ELP4: variants seen among roughly 807,000 people sequenced by gnomAD.
ELP4 encodes the protein elongator acetyltransferase complex subunit 4, also known as elongator complex protein 4.
ELP4 carries 51 observed loss-of-function variants against 48.9 expected under a neutral mutation model. The ratio of observed to expected loss-of-function variants is 1.04; its 90% confidence interval spans 0.83 to 1.32. ELP4 has a LOEUF of 1.32. Among genes scored for constraint, ELP4 ranks in the 40% most tolerant of loss-of-function variants. The pLI, the probability that ELP4 is intolerant of heterozygous loss-of-function variation, is 0.00. For missense variants in ELP4, 519 were observed against 514.6 expected, an observed-to-expected ratio of 1.01 and a Z score of -0.08; for synonymous variants, 210 against 189.2, an observed-to-expected ratio of 1.11 and a Z score of -0.90.
At chr11:31,549,379 T>A (rs1056001972) in intron 3 of ELP4, among the ~76,000 whole-genome samples, 6 of 152,136 alleles carry the variant, frequency 3.9e-5, no homozygotes, top group Admixed American at 3.9e-4. Context: ...AAAAAACCCA[T>A]GAAAAAATGC....
chr11:31,770,035 C>G (rs1948104790), intron 9 of ELP4, among the ~76,000 whole-genome samples: 1 of 152,152 alleles, frequency 6.6e-6, no homozygotes, highest in South Asian at 2.1e-4. Context: ...AAATAGTAGT[C>G]TATCTAAAGA....
intron 9 of ELP4, among the ~76,000 whole-genome samples, chr11:31,683,259 T>C (rs564855197): frequency 6.6e-6 from 1 of 152,298 alleles, no homozygotes; most frequent in East Asian, 1.9e-4. Flanking sequence ...TGCAACTCTT[T>C]AGGAGCTTTT....
chr11:31,701,787 T>C (rs955327737), intron 9 of ELP4, among the ~76,000 whole-genome samples: 7 of 151,228 alleles, frequency 4.6e-5, no homozygotes, highest in African/African-American at 1.5e-4. Context: ...TTATTTTACC[T>C]AATATAATAA....
chr11:31,595,257 C>A (rs2133990284), intron 4 of ELP4, among the ~76,000 whole-genome samples: 1 of 152,208 alleles, frequency 6.6e-6, no homozygotes, highest in East Asian at 1.9e-4. Flanking sequence ...TATACATTTT[C>A]AATCATTACA....
intron 3 of ELP4, among the ~76,000 whole-genome samples, chr11:31,593,534 C>T (rs1957624504): frequency 6.6e-6 from 1 of 152,178 alleles, no homozygotes; most frequent in Non-Finnish European, 1.5e-5. Context: ...GTGTGAGACA[C>T]TGCACGCAGC....
At chr11:31,628,650 A>T (rs1944797107) in intron 6 of ELP4, among the ~76,000 whole-genome samples, 1 of 152,124 alleles carries the variant, frequency 6.6e-6, no homozygotes, top group Non-Finnish European at 1.5e-5. Context: ...TTCTATAATT[A>T]ATGACTTTTA....
At chr11:31,529,261 T>A (rs2133890747) in intron 2 of ELP4, among the ~76,000 whole-genome samples, 1 of 152,254 alleles carries the variant, frequency 6.6e-6, no homozygotes, top group Admixed American at 6.5e-5. Flanking sequence ...ATTGGTGAGT[T>A]CTCACATACC....
chr11:31,782,686 C>T (rs191986832), intron 9 of ELP4, among the ~76,000 whole-genome samples: 7 of 148,988 alleles, frequency 4.7e-5, no homozygotes, highest in African/African-American at 7.3e-5. Context: ...TTGGGATGGG[C>T]GGGGGTTGGG....
chr11:31,771,950 C>G (rs1476160977), intron 9 of ELP4, among the ~76,000 whole-genome samples: 1 of 151,844 alleles, frequency 6.6e-6, no homozygotes, highest in East Asian at 1.9e-4. Flanking sequence ...CCACTGCACT[C>G]CAGCCTGGGC....
chr11:31,581,027 A>G lies in ELP4; in HGVS notation c.382-13743A>G, dbSNP rs527307110. ...TATATTTCTCCTTTCTGATACATCT[A>G]TTGTTTTTTCTAGAGGTAACAATTG... On this transcript the variant is annotated intron_variant, in intron 3 of 9. Transcript: ENST00000640961. 9.9e-5 allele frequency among the ~76,000 whole-genome samples: 15 copies of G among 152,164 alleles called. No homozygotes were observed. The East Asian group carries it at 1.9e-3, about 20-fold the overall frequency.
At chr11:31,709,553 C>A (rs1946698609) in intron 9 of ELP4, among the ~76,000 whole-genome samples, 2 of 152,176 alleles carry the variant, frequency 1.3e-5, no homozygotes, top group South Asian at 4.1e-4. Context: ...TAATATACCA[C>A]ACCTCAGTAT....
chr11:31,570,760 G>A (rs1211681460), intron 3 of ELP4, among the ~76,000 whole-genome samples: 2 of 143,888 alleles, frequency 1.4e-5, no homozygotes, highest in African/African-American at 5.2e-5. Flanking sequence ...TGAGAGGCGT[G>A]AGCCATTGTG....
intron 7 of ELP4, among the ~76,000 whole-genome samples, chr11:31,640,628 C>G (rs1438047688): frequency 6.6e-6 from 1 of 151,880 alleles, no homozygotes; most frequent in African/African-American, 2.4e-5. Flanking sequence ...TTAAATTAGG[C>G]TTGTAACCTC....
intron 9 of ELP4, among the ~76,000 whole-genome samples, chr11:31,704,766 T>A (rs957317502): frequency 1.3e-5 from 2 of 152,048 alleles, no homozygotes; most frequent in African/African-American, 4.8e-5. Context: ...AATCCAGCAT[T>A]TTGGGAGGCC....
intron 3 of ELP4, among the ~76,000 whole-genome samples, chr11:31,567,001 A>C (rs1957122353): frequency 6.6e-6 from 1 of 151,860 alleles, no homozygotes; most frequent in African/African-American, 2.4e-5. Flanking sequence ...TCTCTCTGTC[A>C]TTAATAGCAC....
intron 9 of ELP4, among the ~76,000 whole-genome samples, chr11:31,676,051 G>A (rs1249816476): frequency 6.6e-6 from 1 of 151,668 alleles, no homozygotes; most frequent in African/African-American, 2.4e-5. Context: ...TCACTCAGAA[G>A]TCCTTAAGTG....
At chr11:31,534,206 T>TA (rs1350012912) in intron 2 of ELP4, among the ~76,000 whole-genome samples, 1 of 152,014 alleles carries the variant, frequency 6.6e-6, no homozygotes, top group Non-Finnish European at 1.5e-5. Context: ...ATCCCACAAA[T>TA]ACTTTGATAC....
At chr11:31,557,405 A>G (rs1956947345) in intron 3 of ELP4, among the ~76,000 whole-genome samples, 1 of 152,022 alleles carries the variant, frequency 6.6e-6, no homozygotes, top group Non-Finnish European at 1.5e-5. Flanking sequence ...TAAATGATGT[A>G]AAGTTTGAAT....
Position 31,578,717 on chromosome 11 carries a change from G to A in ELP4, c.382-16053G>A, listed in dbSNP as rs551916622. 6.6e-5 allele frequency among the ~76,000 whole-genome samples: 10 copies of A among 152,276 alleles called. No homozygotes were observed. The East Asian group carries it at 1.5e-3, about 23-fold the overall frequency. ...GATTCTCTGTTTAATAAATGGTGCT[G>A]GGAAAACTGGCTAGCCACATGTAGA... On this transcript the variant is annotated intron_variant, in intron 3 of 9. Transcript: ENST00000640961.
Sources: gnomAD v4.1 joint callset for allele counts (sites outside exome capture counted in the v4.1 genomes callset) on GRCh38, gnomAD v4.1.1 for gene constraint, MANE v1.5 for transcripts, NCBI Gene and HGNC (gene_info 2026-07-23, HGNC 2026-07-21) for gene names.